Variants in FARP1 observed in about 807,000 individuals in gnomAD.
The protein encoded by FARP1 is FERM, ARH/RhoGEF and pleckstrin domain protein 1.
In FARP1, 52 loss-of-function variants were observed where a neutral mutation model predicts 128.8. The ratio of observed to expected loss-of-function variants is 0.40; its 90% confidence interval spans 0.32 to 0.51. FARP1 has a LOEUF of 0.51. Among genes scored for constraint, FARP1 ranks in the 20% least tolerant of loss-of-function variants. The probability of loss-of-function intolerance (pLI) is 0.45; values close to 1 mark genes in which losing one functional copy is unlikely to be tolerated. For synonymous variants in FARP1, 580 were observed against 551.8 expected, an observed-to-expected ratio of 1.05 and a Z score of -0.72; for missense variants, 1,333 against 1,367.9, an observed-to-expected ratio of 0.97 and a Z score of 0.40.
At chr13:98,398,233 ATCATTTGAT>A (rs895313752) in intron 13 of FARP1, 2 of 152,194 alleles carry the variant, frequency 1.3e-5, no homozygotes, top group African/African-American at 4.8e-5. Flanking sequence ...TGTTTTCCTA[ATCATTTGAT>A]TCAGTGCCTG....
At chr13:98,310,940 A>G (rs1019656925) in intron 2 of FARP1, among the ~76,000 whole-genome samples, 1 of 152,202 alleles carries the variant, frequency 6.6e-6, no homozygotes, top group Non-Finnish European at 1.5e-5. Flanking sequence ...GGGCATAGCA[A>G]TAGCATTCCC....
chr13:98,333,891 C>T (rs899870122), intron 2 of FARP1: 1 of 152,034 alleles, frequency 6.6e-6, no homozygotes, highest in Non-Finnish European at 1.5e-5. Context: ...AGGGTGCCAT[C>T]CAGTCTGCTG....
At chr13:98,279,433 A>G (rs1163447505) in intron 2 of FARP1, among the ~76,000 whole-genome samples, 3 of 152,236 alleles carry the variant, frequency 2.0e-5, no homozygotes, top group African/African-American at 7.2e-5. Context: ...CAAATTCCAC[A>G]CATATTACAG....
intron 2 of FARP1, among the ~76,000 whole-genome samples, chr13:98,277,750 T>C (rs1221178756): frequency 6.6e-6 from 1 of 152,220 alleles, no homozygotes; most frequent in Non-Finnish European, 1.5e-5. Flanking sequence ...AACATGGTAT[T>C]CAGTTCATTG....
Position 98,440,196 on chromosome 13 carries a change from C to G in FARP1, c.2590C>G (p.Pro864Ala). ...AIDLAEKSSS[P>A]APEFLASSPP... ...TGACCTGGCGGAGAAGAGCAGCAGC[C>G]CCGCCCCTGAGTTCCTGGCCAGCAG... The change falls in exon 23 of 27, where the codon CCC (proline) becomes GCC (alanine). Residue 864 changes from proline to alanine, a missense_variant. Physicochemically the swap from Pro to Ala is conservative, Grantham distance 27 (BLOSUM62 -1). This residue lies in a region of FARP1 where 1,009 missense variants were observed against 969.8 expected (regional missense o/e 1.04). Transcript: ENST00000319562. 8 of 1,614,004 alleles carry G rather than the reference C, an allele frequency of 5.0e-6. No individual in the cohort carries two copies. The highest frequency in any genetic ancestry group is 6.8e-6 in the Non-Finnish European group (8 of 1,179,954).
At position 98,176,983 on chromosome 13, in the gene FARP1, G is replaced by A; in HGVS notation, c.-24+33491G>A. 1 of 1,599,422 alleles carries A rather than the reference G, an allele frequency of 6.3e-7. No homozygotes were observed. The highest frequency in any genetic ancestry group is 1.1e-5 in the South Asian group (1 of 90,992). On this transcript the variant is annotated intron_variant, in intron 1 of 26. Coordinates refer to ENST00000319562, the MANE Select transcript of FARP1 (RefSeq NM_005766.4). The surrounding 1 kb of genome is among the most constrained non-coding windows in gnomAD (Gnocchi z 6.2). ...CACCACGTCGAGGCTCTCAGGCGCC[G>A]CCTCCTCGCCCCTCCTGTCGCCGTG...
rs61501785 is a variant in FARP1, at chr13:98,397,919, A to AAAAAAAAGAAAG, written c.1414+2443_1414+2444insAAAAAAAGAAAG. ...TTTTTTGAAAAAAAAAAAAAAAAAA[A>AAAAAAAAGAAAG]GATAAATTGTAGAATAAAATTTTTA... On this transcript the variant is annotated intron_variant, in intron 13 of 26. Transcript: ENST00000319562. The AAAAAAAAGAAAG allele has an allele frequency of 1.8e-3, 222 of 124,176 alleles. 6 individuals are homozygous for AAAAAAAAGAAAG. The highest frequency in any genetic ancestry group is 5.0e-3 in the Middle Eastern group (1 of 200). 7.7% of individuals were successfully genotyped at this position (124,176 alleles called of 1,614,324 possible). A position where few individuals can be genotyped will look rare whatever the true frequency, so the allele number is the denominator to read the frequency against.
At chr13:98,281,959 G>T (rs148807376) in intron 2 of FARP1, among the ~76,000 whole-genome samples, 109 of 152,264 alleles carry the variant, frequency 7.2e-4, no homozygotes, top group African/African-American at 2.6e-3. Flanking sequence ...GCATCACTTG[G>T]CAGAAATCCT....
chr13:98,424,099 T>A (rs1385927276), intron 16 of FARP1, among the ~76,000 whole-genome samples: 1 of 152,204 alleles, frequency 6.6e-6, no homozygotes, highest in Non-Finnish European at 1.5e-5. Context: ...TTGGTCTGCT[T>A]CAGGCAAGGG....
intron 1 of FARP1, among the ~76,000 whole-genome samples, chr13:98,144,067 T>TTTTTTTTA (rs2139060619): frequency 6.6e-6 from 1 of 151,820 alleles, no homozygotes; most frequent in South Asian, 2.1e-4. Flanking sequence ...AGGGCAAAGT[T>TTTTTTTTA]TTTTTTATTT....
At position 98,342,444 on chromosome 13, in the gene FARP1, G is replaced by C. The variant is rs646167; in HGVS notation, c.172-1318G>C. Among the ~76,000 whole-genome samples, 866 of 152,114 alleles carry C rather than the reference G, an allele frequency of 5.7e-3. 7 individuals are homozygous for C. The highest frequency in any genetic ancestry group is 0.02 in the African/African-American group (815 of 41,492). On this transcript the variant is annotated intron_variant, in intron 2 of 26. Transcript: ENST00000319562. Reference sequence around the variant, plus strand: ...CTGGGTACGGTGGCTCGTACCTGTAGTCCCAGCACTTTGGGAGGCTGAGGC... The same window carrying C: ...CTGGGTACGGTGGCTCGTACCTGTACTCCCAGCACTTTGGGAGGCTGAGGC...
chr13:98,352,314 G>C (rs985458545), intron 3 of FARP1, among the ~76,000 whole-genome samples: 4 of 152,198 alleles, frequency 2.6e-5, no homozygotes, highest in African/African-American at 7.2e-5. Context: ...AAATCACAGG[G>C]AAATGGTTTG....
chr13:98,357,818 A>G (rs1417059393), intron 3 of FARP1, among the ~76,000 whole-genome samples: 1 of 152,062 alleles, frequency 6.6e-6, no homozygotes, highest in African/African-American at 2.4e-5. Context: ...TATTACTGTA[A>G]GTTTTATTGA....
chr13:98,438,622 T>C (rs1892391194), intron 19 of FARP1, among the ~76,000 whole-genome samples, 182 bp from the exon 20 acceptor site: 1 of 152,146 alleles, frequency 6.6e-6, no homozygotes, highest in African/African-American at 2.4e-5. Flanking sequence ...ACTTCCACCA[T>C]GCAAGGGACC....
intron 1 of FARP1, among the ~76,000 whole-genome samples, chr13:98,198,044 C>A (rs1879688954): frequency 6.6e-6 from 1 of 152,292 alleles, no homozygotes. Flanking sequence ...GTGTTTATTT[C>A]TTTTACATAG....
At chr13:98,295,569 T>C (rs1375196575) in intron 2 of FARP1, among the ~76,000 whole-genome samples, 2 of 152,324 alleles carry the variant, frequency 1.3e-5, no homozygotes, top group Admixed American at 1.3e-4. Context: ...TCCTCCCCCA[T>C]GTTCTTCTGG....
At chr13:98,332,257 G>A (rs1887541981) in intron 2 of FARP1, 1 of 145,092 alleles carries the variant, frequency 6.9e-6, no homozygotes, top group Non-Finnish European at 1.5e-5. Context: ...TCCACCCCCA[G>A]CCCTACAACC....
intron 2 of FARP1, among the ~76,000 whole-genome samples, chr13:98,222,122 A>T (rs1881447991): frequency 6.6e-6 from 1 of 152,206 alleles, no homozygotes; most frequent in African/African-American, 2.4e-5. Context: ...GTAACTTTGA[A>T]GGAGAGCCTC....
intron 1 of FARP1, among the ~76,000 whole-genome samples, chr13:98,146,744 G>A (rs578132466): frequency 6.6e-6 from 1 of 152,314 alleles, no homozygotes; most frequent in Non-Finnish European, 1.5e-5. Flanking sequence ...ATTGGTTACC[G>A]TTTGCCTGGG....
Sources: gnomAD v4.1 joint callset for allele counts (sites outside exome capture counted in the v4.1 genomes callset) on GRCh38, gnomAD v4.1.1 for gene constraint, gnomAD v4.1.1 regional missense constraint, Gnocchi (gnomAD v3.1) non-coding constraint, MANE v1.5 for transcripts, NCBI Gene and HGNC (gene_info 2026-07-23, HGNC 2026-07-21) for gene names.